The following CGN variants were observed in gnomAD, a reference collection of about 807,000 sequenced individuals.
The protein encoded by CGN is cingulin.
In CGN, 121 loss-of-function variants were observed where a neutral mutation model predicts 157.1. The ratio of observed to expected loss-of-function variants is 0.77; its 90% confidence interval spans 0.66 to 0.90. The LOEUF (loss-of-function observed/expected upper bound fraction) is 0.90, where lower values mean the gene tolerates loss of function less well. Among genes scored for constraint, CGN ranks in the 40% least tolerant of loss-of-function variants. The probability of loss-of-function intolerance (pLI) is 0.00; values close to 1 mark genes in which losing one functional copy is unlikely to be tolerated. For missense variants in CGN, 1,424 were observed against 1,520.9 expected (o/e 0.94, Z 1.06); for synonymous variants, 535 against 607.5 (o/e 0.88, Z 1.76).
chr1:151,530,562 G>C lies in CGN; in HGVS notation c.2387G>C (p.Arg796Pro), dbSNP rs142141166. The change falls in exon 13 of 21, where the codon CGG becomes CCG. Residue 796 changes from arginine to proline, a missense_variant. Arg to Pro is a moderately radical substitution (Grantham distance 103). Around this residue, in one of 3 missense-constraint regions of CGN, gnomAD observed 1,187 missense variants for 1,217.6 expected, o/e 0.97. Coordinates refer to ENST00000271636, the MANE Select transcript of CGN (RefSeq NM_020770.3). Reference sequence around the variant, plus strand: ...GAGGGGAGTCTGGCAGCAGCCAAGCGGGCACTGGAGGCACGCCTAGAGGAG... The same window carrying C: ...GAGGGGAGTCTGGCAGCAGCCAAGCCGGCACTGGAGGCACGCCTAGAGGAG... ...EEEGSLAAAK[R>P]ALEARLEEAQ... 1 of 1,609,102 alleles carries C rather than the reference G, an allele frequency of 6.2e-7. No individual in the cohort carries two copies. The highest frequency in any genetic ancestry group is 8.5e-7 in the Non-Finnish European group (1 of 1,178,128).
At position 151,536,855 on chromosome 1, in the gene CGN, G is replaced by A. The variant is rs1195728370; in HGVS notation, c.3432G>A (p.Gln1144=). 8 of 1,614,172 alleles carry A rather than the reference G, an allele frequency of 5.0e-6. No individual in the cohort carries two copies. Among genetic ancestry groups the A allele is most frequent in the Non-Finnish European group, 6.8e-6 (8 of 1,180,054 alleles). The change falls in exon 20 of 21, where the codon CAG becomes CAA. Residue 1144 remains glutamine (Q), a synonymous_variant. Transcript: ENST00000271636. ...AGGAGCAGCATGAGGTCAATGAACA[G>A]CTCCAGGCCCGGATCAAGTCTCTGG... The part of the protein sequence containing the change: ...EVEEQHEVNE[Q]LQARIKSLEK...
At chr1:151,527,947 T>A (rs1359934104) in intron 10 of CGN, 1 of 143,244 alleles carries the variant, frequency 7.0e-6, no homozygotes, top group Non-Finnish European at 1.2e-5. Context: ...TATATATATA[T>A]ATATTTTTTT....
chr1:151,518,499 C>T lies in CGN; in HGVS notation c.-14-7C>T. The T allele has an allele frequency of 3.2e-6, 5 of 1,584,248 alleles. No homozygotes were observed. Among genetic ancestry groups the T allele is most frequent in the Non-Finnish European group, 4.3e-6 (5 of 1,162,172 alleles). On this transcript the variant is annotated splice_polypyrimidine_tract_variant and splice_region_variant and intron_variant, in intron 1 of 20. Coordinates refer to ENST00000271636, the MANE Select transcript of CGN (RefSeq NM_020770.3). ...TCTCAGCCTAAACTCATTTCTTCAT[C>T]TTCTAGGACTCCTCCTATTTATGGA...
intron 10 of CGN, chr1:151,528,065 C>T (rs1441088946): frequency 6.6e-6 from 1 of 151,064 alleles, no homozygotes; most frequent in African/African-American, 2.5e-5. Context: ...ACGCCGTTCT[C>T]CTGCCTCAGC....
chr1:151,531,870 T>C (rs1277906124), intron 13 of CGN, among the ~76,000 whole-genome samples: 1 of 152,230 alleles, frequency 6.6e-6, no homozygotes, highest in East Asian at 1.9e-4. Context: ...GCACATCTTA[T>C]CATTTGTCAA....
chr1:151,536,813 G>C lies in CGN; in HGVS notation c.3390G>C (p.Lys1130Asn). Residue 1130 changes from lysine (K) to asparagine (N), a missense_variant, in exon 20 of 21, where the codon AAG becomes AAC. Physicochemically the swap from Lys to Asn is moderately conservative, Grantham distance 94. This residue lies in a region of CGN where 199 missense variants were observed against 272.2 expected (regional missense o/e 0.73). Coordinates refer to ENST00000271636, the MANE Select transcript of CGN (RefSeq NM_020770.3). ...EIERLDGLRK[K>N]AQREVEEQHE... ...AGCGACTGGACGGCCTGAGGAAGAA[G>C]GCCCAGCGTGAGGTGGAGGAGCAGC... is the stretch of plus-strand genomic sequence containing the variant. 1 of 1,614,176 alleles carries C rather than the reference G, an allele frequency of 6.2e-7. No homozygotes were observed. Among genetic ancestry groups the C allele is most frequent in the Middle Eastern group, 1.6e-4 (1 of 6,062 alleles).
At chr1:151,532,196 A>G (rs1345429008) in intron 13 of CGN, among the ~76,000 whole-genome samples, 1 of 152,204 alleles carries the variant, frequency 6.6e-6, no homozygotes, top group Admixed American at 6.5e-5. Flanking sequence ...AGTAACTTGC[A>G]CATGGTCACC....
chr1:151,523,951 C>G (rs1269779860), intron 6 of CGN, among the ~76,000 whole-genome samples: 1 of 152,088 alleles, frequency 6.6e-6, no homozygotes, highest in Non-Finnish European at 1.5e-5. Context: ...GAAGGGCTCG[C>G]TCTCCAGAAG....
intron 1 of CGN, among the ~76,000 whole-genome samples, chr1:151,513,208 T>A (rs1397808735): frequency 6.6e-6 from 1 of 152,218 alleles, no homozygotes; most frequent in Non-Finnish European, 1.5e-5. Flanking sequence ...GGTGTGGAAT[T>A]TCTCTGGTCT....
In CGN at chr1:151,525,631, C is replaced by T. The variant is rs1277011619; in HGVS notation, c.1615-11C>T. The T allele has an allele frequency of 6.4e-7, 1 of 1,559,348 alleles. No homozygotes were observed. The highest frequency in any genetic ancestry group is 8.6e-7 in the Non-Finnish European group (1 of 1,156,810). On this transcript the variant is annotated splice_polypyrimidine_tract_variant and intron_variant, in intron 8 of 20. Coordinates refer to ENST00000271636, the MANE Select transcript of CGN (RefSeq NM_020770.3). ...CTGAGCCTTCTGGTGTCCAACTCTC[C>T]CCTTCTCTAGGACCATGCAGTGCTG...
chr1:151,510,455 G>C (rs945849358), upstream of CGN: 2 of 152,150 alleles, frequency 1.3e-5, no homozygotes, highest in Non-Finnish European at 2.9e-5. Context: ...ACTGCAGCTG[G>C]TATGAGCGGT....
chr1:151,518,566 A>T lies in CGN; in HGVS notation c.47A>T (p.His16Leu). 1 of 1,613,538 alleles carries T rather than the reference A, an allele frequency of 6.2e-7. No homozygotes were observed. The highest frequency in any genetic ancestry group is 8.5e-7 in the Non-Finnish European group (1 of 1,179,530). ...GCTGAGCCCCGGGGCCCCGTAGACCATGGAGTCCAGATTCGCTTCATCACA... is the reference window on the plus strand; with the variant it reads ...GCTGAGCCCCGGGGCCCCGTAGACCTTGGAGTCCAGATTCGCTTCATCACA... ...NMAEPRGPVD[H>L]GVQIRFITEP... The change falls in exon 2 of 21, where the codon CAT becomes CTT. Residue 16 changes from histidine to leucine, a missense_variant. By Grantham distance (99) the His-to-Leu change is moderately conservative. This residue lies in a region of CGN where 1,187 missense variants were observed against 1,217.6 expected (regional missense o/e 0.97). Transcript: ENST00000271636.
At chr1:151,532,612 CTTTTTTTTT>C in intron 14 of CGN, 40 bp downstream of exon 14, 25 of 536,768 alleles carry the variant, frequency 4.7e-5, no homozygotes, top group Middle Eastern at 7.2e-4. Context: ...GTCCTTGCCT[CTTTTTTTTT>C]TTTTTTTTTT....
Position 151,524,054 on chromosome 1 carries a change from A to G in CGN, c.1269-172A>G, listed in dbSNP as rs1464172916. 6.6e-6 allele frequency among the ~76,000 whole-genome samples: 1 copy of G among 152,222 alleles called. No individual in the cohort carries two copies. Among genetic ancestry groups the G allele is most frequent in the African/African-American group, 2.4e-5 (1 of 41,454 alleles). On this transcript the variant is annotated intron_variant, in intron 6 of 20. Coordinates refer to ENST00000271636, the MANE Select transcript of CGN (RefSeq NM_020770.3). This position sits in a 1 kb window ranked among gnomAD's most constrained non-coding sequence, Gnocchi z 4.4. ...AGAAGGCAGTAAATACAACAGGGTA[A>G]GGCAGATCAGGAGGGCCAGGTTGTA...
Position 151,519,067 on chromosome 1 carries a change from A to G in CGN, c.548A>G (p.Asn183Ser), listed in dbSNP as rs1280177600. Residue 183 changes from asparagine to serine, a missense_variant, in exon 2 of 21, where the codon AAC becomes AGC. Coordinates refer to ENST00000271636, the MANE Select transcript of CGN (RefSeq NM_020770.3). ...APLSSVDSLINKFDSQLGGQA... is the reference protein window; with the variant it reads ...APLSSVDSLISKFDSQLGGQA... ...CTGTCTTCAGTGGACTCACTCATCA[A>G]CAAGTTTGACAGTCAACTTGGAGGC... 1 of 1,614,132 alleles carries G rather than the reference A, an allele frequency of 6.2e-7. No homozygotes were observed. The highest frequency in any genetic ancestry group is 1.1e-5 in the South Asian group (1 of 91,080).
chr1:151,524,960 T>C lies in CGN; in HGVS notation c.1614+74T>C, dbSNP rs1255332551. 2.3e-6 allele frequency: 3 copies of C among 1,314,284 alleles called. No homozygotes were observed. The highest frequency in any genetic ancestry group is 2.2e-5 in the Admixed American group (1 of 45,968). 81.4% of individuals were successfully genotyped at this position (1,314,284 alleles called of 1,614,324 possible). A position where few individuals can be genotyped will look rare whatever the true frequency, so the allele number is the denominator to read the frequency against. On this transcript the variant is annotated intron_variant, in intron 8 of 20. Coordinates refer to ENST00000271636, the MANE Select transcript of CGN (RefSeq NM_020770.3). The surrounding 1 kb of genome is among the most constrained non-coding windows in gnomAD (Gnocchi z 4.4). ...AAGGCTGCCTTGGGATCTTGGACTT[T>C]TGGACTTTTCATGGTTGCAACTGGG...
In CGN at chr1:151,537,835, CT is replaced by C. The variant is rs1047046174; in HGVS notation, c.*492del. 1 of 153,676 alleles carries C rather than the reference CT, an allele frequency of 6.5e-6. No homozygotes were observed. The highest frequency in any genetic ancestry group is 2.4e-5 in the African/African-American group (1 of 41,422). 9.5% of individuals were successfully genotyped at this position (153,676 alleles called of 1,614,324 possible). A position where few individuals can be genotyped will look rare whatever the true frequency, so the allele number is the denominator to read the frequency against. On this transcript the variant is annotated 3_prime_UTR_variant, in exon 21 of 21. Coordinates refer to ENST00000271636, the MANE Select transcript of CGN (RefSeq NM_020770.3). ...CATGCAGGCATGGCTCTACCCATTTCTTTGCACAAGTATGGGGCCCATGTGG... is the reference window on the plus strand; with the variant it reads ...CATGCAGGCATGGCTCTACCCATTTCTTGCACAAGTATGGGGCCCATGTGG...
chr1:151,519,209 G>A lies in CGN; in HGVS notation c.690G>A (p.Gln230=), dbSNP rs775731445. ...PRDTFEERER[Q]STNHWTSSTK... is the part of the protein sequence containing the mutation. The stretch of plus-strand genomic sequence containing the variant: ...ACACCTTTGAGGAACGGGAGCGCCA[G>A]TCCACCAACCACTGGACCTCTAGCA... Residue 230 remains glutamine (Q), a synonymous_variant, in exon 2 of 21, where the codon CAG becomes CAA. Coordinates refer to ENST00000271636, the MANE Select transcript of CGN (RefSeq NM_020770.3). The A allele has an allele frequency of 6.2e-6, 10 of 1,614,098 alleles. No individual in the cohort carries two copies. Among genetic ancestry groups the A allele is most frequent in the Non-Finnish European group, 8.5e-6 (10 of 1,180,052 alleles).
Position 151,523,478 on chromosome 1 carries a change from G to T in CGN, c.1185G>T (p.Gln395His). The T allele has an allele frequency of 6.2e-7, 1 of 1,613,784 alleles. No individual in the cohort carries two copies. Reference sequence around the variant, plus strand: ...CATCCCAAGTTGGGCTGGAGCGGCAGCTGGAGGAGAAAACAGAAGAGTGCA... The same window carrying T: ...CATCCCAAGTTGGGCTGGAGCGGCATCTGGAGGAGAAAACAGAAGAGTGCA... The part of the protein sequence containing the change: ...LEPSQVGLER[Q>H]LEEKTEECSR... The change falls in exon 6 of 21, where the codon CAG becomes CAT. Residue 395 changes from glutamine (Q) to histidine (H), a missense_variant. Coordinates refer to ENST00000271636, the MANE Select transcript of CGN (RefSeq NM_020770.3).
Sources: allele counts gnomAD v4.1 joint callset (sites outside exome capture counted in the v4.1 genomes callset), GRCh38; gene constraint gnomAD v4.1.1; regional missense constraint gnomAD v4.1.1; non-coding constraint Gnocchi (gnomAD v3.1); transcripts MANE v1.5; gene names NCBI Gene and HGNC (gene_info 2026-07-23, HGNC 2026-07-21).